Variants in CREB3L2 observed in about 807,000 individuals in gnomAD.
The protein encoded by CREB3L2 is cyclic AMP-responsive element-binding protein 3-like protein 2.
A neutral mutation model predicts 57.2 loss-of-function variants in CREB3L2; 23 were observed. The ratio of observed to expected loss-of-function variants is 0.40; its 90% CI spans 0.29 to 0.57. CREB3L2 has a LOEUF of 0.57. Ranked by LOEUF, CREB3L2 falls within the 20% of genes least tolerant of loss-of-function variation. The probability of loss-of-function intolerance (pLI) is 0.42; values close to 1 mark genes in which losing one functional copy is unlikely to be tolerated. For missense variants in CREB3L2, 628 were observed against 634.7 expected (o/e 0.99, Z 0.11); for synonymous variants, 268 against 265.1 (o/e 1.01, Z -0.11).
intron 2 of CREB3L2, among the ~76,000 whole-genome samples, chr7:137,918,068 C>T (rs541906581): frequency 5.3e-4 from 81 of 152,266 alleles, no homozygotes; most frequent in African/African-American, 1.9e-3. Flanking sequence ...CCCAAAGGAG[C>T]TTAGGAGCTA....
intron 1 of CREB3L2, among the ~76,000 whole-genome samples, chr7:137,975,958 A>G (rs778483417): frequency 2.0e-5 from 3 of 152,228 alleles, no homozygotes; most frequent in Non-Finnish European, 4.4e-5. Flanking sequence ...ACTGAGTGGG[A>G]GGCCGAGCCA....
At chr7:137,984,335 C>T (rs765753233) in intron 1 of CREB3L2, among the ~76,000 whole-genome samples, 3 of 152,230 alleles carry the variant, frequency 2.0e-5, no homozygotes, top group Non-Finnish European at 2.9e-5. Context: ...TGAAACCTAA[C>T]GGGAAATCTG....
intron 1 of CREB3L2, among the ~76,000 whole-genome samples, chr7:137,929,086 G>A (rs1305088713): frequency 6.6e-6 from 1 of 152,172 alleles, no homozygotes; most frequent in Non-Finnish European, 1.5e-5. Flanking sequence ...GTCTCCCCAT[G>A]GGCTAGACTT....
intron 1 of CREB3L2, among the ~76,000 whole-genome samples, chr7:137,996,883 C>G (rs183244319): frequency 5.3e-5 from 8 of 152,328 alleles, no homozygotes; most frequent in African/African-American, 1.9e-4. Context: ...GTTACTTTCA[C>G]AAAGACTTAG....
At chr7:137,892,095 T>C (rs575073780) in intron 8 of CREB3L2, among the ~76,000 whole-genome samples, 3 of 152,242 alleles carry the variant, frequency 2.0e-5, no homozygotes, top group Admixed American at 6.5e-5. Flanking sequence ...GAACCATTTG[T>C]GGGTTTGTGA....
At chr7:137,900,329 T>C (rs998181787) in intron 8 of CREB3L2, among the ~76,000 whole-genome samples, 9 of 152,194 alleles carry the variant, frequency 5.9e-5, no homozygotes, top group Non-Finnish European at 1.3e-4. Flanking sequence ...GTGAGGATGA[T>C]AATAATGGCA....
rs554012454 is a variant in CREB3L2 at position 137,879,660 on chromosome 7, T to A, written c.*816A>T. ...AGGGTGCCCTCCTAGCTCTGAAGGC[T>A]CGCAGAAAACTTGGCTAGCTTGAAA... On this transcript the variant is annotated 3_prime_UTR_variant, in exon 12 of 12. Coordinates refer to ENST00000330387, the MANE Select transcript of CREB3L2 (RefSeq NM_194071.4). The A allele has an allele frequency of 1.3e-4, 30 of 239,506 alleles. No individual in the cohort carries two copies. The highest frequency in any genetic ancestry group is 2.0e-4 in the Non-Finnish European group (24 of 122,222). The allele number at this position is 239,506 out of a possible 1,614,324, so 14.8% of individuals were successfully genotyped here. A position where few individuals can be genotyped will look rare whatever the true frequency, so the allele number is the denominator to read the frequency against.
chr7:137,876,078 C>G lies in CREB3L2; in HGVS notation c.*4398G>C, dbSNP rs1799143345. On this transcript the variant is annotated 3_prime_UTR_variant, in exon 12 of 12. Transcript: ENST00000330387. ...TGGTTGTTTTTTTGATGTGATTGCA[C>G]TCCTGCAAACTGGGATTTTCCTAAT... 4.3e-6 allele frequency: 1 copy of G among 231,428 alleles called. No homozygotes were observed. The highest frequency in any genetic ancestry group is 8.6e-6 in the Non-Finnish European group (1 of 116,910). 14.3% of individuals were successfully genotyped at this position (231,428 alleles called of 1,614,324 possible). A position where few individuals can be genotyped will look rare whatever the true frequency, so the allele number is the denominator to read the frequency against.
intron 8 of CREB3L2, 149 bp downstream of exon 8, chr7:137,901,205 G>A (rs1487930663): frequency 3.3e-6 from 2 of 611,494 alleles, no homozygotes; most frequent in Non-Finnish European, 2.9e-6. Flanking sequence ...GTGGGTGGGT[G>A]GAGTTTGGCC....
chr7:137,987,389 C>CA lies in CREB3L2; in HGVS notation c.102+14214dup, dbSNP rs1170596903. On this transcript the variant is annotated intron_variant, in intron 1 of 11. Coordinates refer to ENST00000330387, the MANE Select transcript of CREB3L2 (RefSeq NM_194071.4). The stretch of plus-strand genomic sequence containing the variant: ...AGTCGTTTGAATAAGTTTTCAGTAG[C>CA]AAAAAAAAACAAAAAACAAAAAACA... Among the ~76,000 whole-genome samples the CA allele has an allele frequency of 1.0e-3, 152 of 147,376 alleles. 1 individual carries two copies. The highest frequency in any genetic ancestry group is 7.9e-3 in the East Asian group (40 of 5,094).
chr7:137,988,066 G>A (rs1395787112), intron 1 of CREB3L2, among the ~76,000 whole-genome samples: 1 of 152,210 alleles, frequency 6.6e-6, no homozygotes, highest in Non-Finnish European at 1.5e-5. Context: ...TTTCCTCCCT[G>A]TGCAGTCTGA....
At chr7:137,949,487 T>A (rs1801054129) in intron 1 of CREB3L2, among the ~76,000 whole-genome samples, 1 of 152,230 alleles carries the variant, frequency 6.6e-6, no homozygotes, top group African/African-American at 2.4e-5. Flanking sequence ...AGTTTCAAGA[T>A]CCTTCTGTGC....
At chr7:137,989,709 G>A (rs1360027995) in intron 1 of CREB3L2, among the ~76,000 whole-genome samples, 1 of 152,086 alleles carries the variant, frequency 6.6e-6, no homozygotes, top group Non-Finnish European at 1.5e-5. Context: ...TCCTGTGAAT[G>A]TTCTGCAAGT....
At chr7:137,933,022 A>G (rs1341318032) in intron 1 of CREB3L2, among the ~76,000 whole-genome samples, 3 of 152,188 alleles carry the variant, frequency 2.0e-5, no homozygotes, top group Non-Finnish European at 4.4e-5. Flanking sequence ...GGCAGCAAGG[A>G]GCAGAACAGT....
At chr7:137,974,846 G>C (rs1234347288) in intron 1 of CREB3L2, among the ~76,000 whole-genome samples, 1 of 152,176 alleles carries the variant, frequency 6.6e-6, no homozygotes, top group Non-Finnish European at 1.5e-5. Context: ...TTGGGGTAGA[G>C]CCTGTGAAAG....
intron 1 of CREB3L2, among the ~76,000 whole-genome samples, chr7:137,988,206 A>AGGAACAGAGATTCAGT: frequency 6.6e-6 from 1 of 152,242 alleles, no homozygotes; most frequent in East Asian, 1.9e-4. Context: ...GGGCCATGAC[A>AGGAACAGAGATTCAGT]GGAACAGAGA....
At chr7:137,900,945 A>G (rs376239704) in intron 8 of CREB3L2, among the ~76,000 whole-genome samples, 42 of 152,322 alleles carry the variant, frequency 2.8e-4, no homozygotes, top group African/African-American at 1.0e-3. Context: ...CAGGAGAATC[A>G]GGCTTGTTGA....
chr7:137,937,934 G>A (rs369551972), intron 1 of CREB3L2, among the ~76,000 whole-genome samples: 7 of 151,454 alleles, frequency 4.6e-5, no homozygotes, highest in East Asian at 1.9e-4. Flanking sequence ...AAGCAATAAA[G>A]GCATTGAGAG....
chr7:137,949,974 G>T (rs1801066271), intron 1 of CREB3L2, among the ~76,000 whole-genome samples: 1 of 152,178 alleles, frequency 6.6e-6, no homozygotes, highest in Admixed American at 6.5e-5. Flanking sequence ...AAGGGAAGTG[G>T]CTAAGTATAT....
Sources: gnomAD v4.1 joint callset for allele counts (sites outside exome capture counted in the v4.1 genomes callset) on GRCh38, gnomAD v4.1.1 for gene constraint, MANE v1.5 for transcripts, NCBI Gene and HGNC (gene_info 2026-07-23, HGNC 2026-07-21) for gene names.